Variants in SLCO3A1 observed in about 807,000 individuals in gnomAD.
SLCO3A1 encodes PGE1 transporter.
In SLCO3A1, 27 loss-of-function variants were observed where a neutral mutation model predicts 63.1. That is an observed-to-expected ratio of 0.43 (90% CI 0.32 to 0.59). The LOEUF (loss-of-function observed/expected upper bound fraction) is 0.59, where lower values mean the gene tolerates loss of function less well. Ranked by LOEUF, SLCO3A1 falls within the 20% of genes least tolerant of loss-of-function variation. The pLI is 0.09. For synonymous variants in SLCO3A1, 473 were observed against 409.9 expected, an observed-to-expected ratio of 1.15 and a Z score of -1.86; for missense variants, 773 against 945.8, an observed-to-expected ratio of 0.82 and a Z score of 2.40.
chr15:91,969,250 A>G (rs746039487), intron 2 of SLCO3A1, among the ~76,000 whole-genome samples: 4 of 152,098 alleles, frequency 2.6e-5, no homozygotes, highest in Non-Finnish European at 5.9e-5. Context: ...CTACATGTGG[A>G]TACTAAGAAC....
intron 2 of SLCO3A1, among the ~76,000 whole-genome samples, chr15:91,932,450 AG>A (rs2151391355): frequency 6.7e-6 from 1 of 148,786 alleles, no homozygotes; most frequent in East Asian, 2.0e-4. Flanking sequence ...TTTTATTAGC[AG>A]TTTTTTTTTT....
At chr15:91,975,348 G>A (rs1901061168) in intron 2 of SLCO3A1, among the ~76,000 whole-genome samples, 1 of 152,168 alleles carries the variant, frequency 6.6e-6, no homozygotes, top group South Asian at 2.1e-4. Context: ...CTTGTCCCAA[G>A]CCTGTCCAGC....
chr15:92,161,588 G>A (rs965348346), intron 9 of SLCO3A1: 2 of 152,226 alleles, frequency 1.3e-5, no homozygotes, highest in Admixed American at 6.5e-5. Flanking sequence ...CAGGGGAAGC[G>A]AAGTTGTCAG....
intron 2 of SLCO3A1, among the ~76,000 whole-genome samples, chr15:91,927,649 C>T (rs1019354984): frequency 1.3e-5 from 2 of 152,154 alleles, no homozygotes; most frequent in African/African-American, 4.8e-5. Context: ...CTCCCTTTCT[C>T]TCTGTAATGT....
In SLCO3A1 at chr15:91,854,810, A is replaced by G. The variant is rs979252853; in HGVS notation, c.180+722A>G. Among the ~76,000 whole-genome samples the G allele has an allele frequency of 6.6e-6, 1 of 152,144 alleles. No homozygotes were observed. The highest frequency in any genetic ancestry group is 1.5e-5 in the Non-Finnish European group (1 of 68,036). On this transcript the variant is annotated intron_variant, in intron 1 of 9. Coordinates refer to ENST00000318445, the MANE Select transcript of SLCO3A1 (RefSeq NM_013272.4). The surrounding 1 kb of genome is among the most constrained non-coding windows in gnomAD (Gnocchi z 6.4). ...TCTGTCGCCTACAGAAGGTTGCACC[A>G]TTTTCCACAATGAATATGTATTTTA...
At chr15:92,146,589 A>G (rs1335612933) in intron 7 of SLCO3A1, among the ~76,000 whole-genome samples, 1 of 152,124 alleles carries the variant, frequency 6.6e-6, no homozygotes, top group Non-Finnish European at 1.5e-5. Context: ...AATACACTTC[A>G]GTGTAATTAT....
chr15:91,910,699 G>A (rs767034853), intron 1 of SLCO3A1, among the ~76,000 whole-genome samples: 1 of 152,212 alleles, frequency 6.6e-6, no homozygotes, highest in Non-Finnish European at 1.5e-5. Context: ...GATAGGACCA[G>A]GCTGCTCTGG....
Position 91,941,204 on chromosome 15 carries a change from TTGTTTCACTGGCCTGGCCGGAAG to T in SLCO3A1, c.646+24747_646+24769del, listed in dbSNP as rs1177102772. On this transcript the variant is annotated intron_variant, in intron 2 of 9. Transcript: ENST00000318445. The surrounding 1 kb of genome is among the most constrained non-coding windows in gnomAD (Gnocchi z 4.4). ...GCTCCAGGGCAGGTGGAAAGTAGGCTTGTTTCACTGGCCTGGCCGGAAGGTTGTAGTGTTCTCCTGAGAAGGGA... is the reference window on the plus strand; with the variant it reads ...GCTCCAGGGCAGGTGGAAAGTAGGCTGTTGTAGTGTTCTCCTGAGAAGGGA... 1.2e-5 allele frequency: 2 copies of T among 168,274 alleles called. No homozygotes were observed. The highest frequency in any genetic ancestry group is 3.4e-4 in the East Asian group (2 of 5,848). 10.4% of individuals were successfully genotyped at this position (168,274 alleles called of 1,614,324 possible). A position where few individuals can be genotyped will look rare whatever the true frequency, so the allele number is the denominator to read the frequency against.
At chr15:92,141,779 C>G (rs1374032313) in intron 7 of SLCO3A1, among the ~76,000 whole-genome samples, 1 of 152,216 alleles carries the variant, frequency 6.6e-6, no homozygotes. Flanking sequence ...AACAGCCTCA[C>G]GACCTTATGC....
In SLCO3A1 at chr15:91,860,681, AT is replaced by A. The variant is rs1897026601; in HGVS notation, c.180+6594del. Among the ~76,000 whole-genome samples the A allele has an allele frequency of 6.6e-6, 1 of 152,222 alleles. No homozygotes were observed. The highest frequency in any genetic ancestry group is 1.5e-5 in the Non-Finnish European group (1 of 68,044). ...GTCAGGAGGGCGAGGACAAAGGGAC[AT>A]ATGTTGTGGACATATGCTGCCCTCC... On this transcript the variant is annotated intron_variant, in intron 1 of 9. Transcript: ENST00000318445. This position sits in a 1 kb window ranked among gnomAD's most constrained non-coding sequence, Gnocchi z 5.5.
chr15:92,016,234 TAGATAGATAGATAGATAGATTAGA>T (rs1470202170), intron 2 of SLCO3A1, among the ~76,000 whole-genome samples: 6 of 52,666 alleles, frequency 1.1e-4, no homozygotes, highest in African/African-American at 6.3e-4. Context: ...GATAGATAGA[TAGATAGATAGATAGATAGATTAGA>T]TAGATAGATA....
chr15:92,039,774 A>G (rs548277718), intron 2 of SLCO3A1, among the ~76,000 whole-genome samples: 2 of 152,360 alleles, frequency 1.3e-5, no homozygotes, highest in Admixed American at 6.5e-5. Flanking sequence ...ATGTATGTTT[A>G]TTACAGCACT....
At chr15:92,087,650 C>G (rs1011258348) in intron 2 of SLCO3A1, among the ~76,000 whole-genome samples, 2 of 151,794 alleles carry the variant, frequency 1.3e-5, no homozygotes, top group African/African-American at 4.8e-5. Context: ...TCCTGAGTGC[C>G]TGGGATTACA....
At position 91,968,347 on chromosome 15, in the gene SLCO3A1, C is replaced by T. The variant is rs1291892863; in HGVS notation, c.646+51889C>T. ...AAATGACTTTCTAGTCTCCTGCGAG[C>T]TTTCTCTCAAGTAGATTCTGCTGAG... On this transcript the variant is annotated intron_variant, in intron 2 of 9. Coordinates refer to ENST00000318445, the MANE Select transcript of SLCO3A1 (RefSeq NM_013272.4). This position sits in a 1 kb window ranked among gnomAD's most constrained non-coding sequence, Gnocchi z 4.2. 6.6e-6 allele frequency among the ~76,000 whole-genome samples: 1 copy of T among 152,072 alleles called. No homozygotes were observed. The highest frequency in any genetic ancestry group is 1.5e-5 in the Non-Finnish European group (1 of 68,028).
At chr15:92,062,379 T>C (rs902074484) in intron 2 of SLCO3A1, among the ~76,000 whole-genome samples, 1 of 152,146 alleles carries the variant, frequency 6.6e-6, no homozygotes, top group Non-Finnish European at 1.5e-5. Context: ...TTCAGTGGCC[T>C]GAATCATGCC....
chr15:91,876,716 G>A (rs1432115210), intron 1 of SLCO3A1, among the ~76,000 whole-genome samples: 1 of 152,204 alleles, frequency 6.6e-6, no homozygotes, highest in Non-Finnish European at 1.5e-5. Context: ...TCTTTACTGT[G>A]AGTCTTTTCT....
intron 2 of SLCO3A1, among the ~76,000 whole-genome samples, chr15:91,976,911 G>A (rs955818495): frequency 6.6e-6 from 1 of 152,088 alleles, no homozygotes; most frequent in South Asian, 2.1e-4. Flanking sequence ...CCACAGGACC[G>A]GGGCGAAATT....
rs1897293839 is a variant in SLCO3A1, at chr15:91,872,018, G to A, written c.180+17930G>A. ...GTTGCTCATTTCTTTTCATTGTTTT[G>A]CTTTTCAGAATTACAAAATGGGATG... On this transcript the variant is annotated intron_variant, in intron 1 of 9. Coordinates refer to ENST00000318445, the MANE Select transcript of SLCO3A1 (RefSeq NM_013272.4). The surrounding 1 kb of genome is among the most constrained non-coding windows in gnomAD (Gnocchi z 4.1). Among the ~76,000 whole-genome samples the A allele has an allele frequency of 6.6e-6, 1 of 151,750 alleles. No homozygotes were observed.
chr15:91,978,377 A>G (rs1241712983), intron 2 of SLCO3A1, among the ~76,000 whole-genome samples: 1 of 152,202 alleles, frequency 6.6e-6, no homozygotes, highest in East Asian at 1.9e-4. Flanking sequence ...AGTGTCTGGC[A>G]TCCACGCAAG....
Sources: allele counts gnomAD v4.1 joint callset (sites outside exome capture counted in the v4.1 genomes callset), GRCh38; gene constraint gnomAD v4.1.1; non-coding constraint Gnocchi (gnomAD v3.1); transcripts MANE v1.5; gene names NCBI Gene and HGNC (gene_info 2026-07-23, HGNC 2026-07-21).